Variants in HSP90AA1 observed in about 807,000 individuals in gnomAD.
HSP90AA1 encodes heat shock protein HSP 90-alpha.
A neutral mutation model predicts 73.3 loss-of-function variants in HSP90AA1; 18 were observed. That is an observed-to-expected ratio of 0.25 (90% CI 0.17 to 0.36). The LOEUF (loss-of-function observed/expected upper bound fraction) is 0.36. Among genes scored for constraint, HSP90AA1 ranks in the 10% least tolerant of loss-of-function variants. HSP90AA1 has a pLI of 1.00. For synonymous variants in HSP90AA1, 477 were observed against 296.9 expected (o/e 1.61, Z -6.24); for missense variants, 704 against 874.2 (o/e 0.81, Z 2.45).
chr14:102,113,467 G>A (rs548954862), intron 1 of HSP90AA1, among the ~76,000 whole-genome samples: 2 of 151,866 alleles, frequency 1.3e-5, no homozygotes, highest in South Asian at 4.2e-4. Context: ...TGTAACCTCC[G>A]CCTCCCAGGT....
intron 1 of HSP90AA1, among the ~76,000 whole-genome samples, chr14:102,117,040 G>A (rs537569258): frequency 9.2e-5 from 14 of 152,300 alleles, no homozygotes; most frequent in Admixed American, 3.3e-4. Context: ...GAGCCTGGGC[G>A]CTGTCCCAGC....
At position 102,096,946 on chromosome 14, in the gene HSP90AA1, A is replaced by G. The variant is rs2049432663; in HGVS notation, c.366+4929T>C. ...CTGAAAAGTTCATGGCAAAGCTTCT[A>G]GCCTTTCATGGAGTGGGAATGAAAC... On this transcript the variant is annotated intron_variant, in intron 2 of 11. Transcript: ENST00000334701. Among the ~76,000 whole-genome samples the G allele has an allele frequency of 2.0e-5, 3 of 152,310 alleles. 1 individual carries two copies. The South Asian group carries it at 6.2e-4, about 32-fold the overall frequency.
intron 2 of HSP90AA1, 26 bp downstream of exon 2, chr14:102,086,191 C>A: frequency 6.2e-7 from 1 of 1,614,008 alleles, no homozygotes; most frequent in Non-Finnish European, 8.5e-7. Flanking sequence ...AACCAAAATC[C>A]GATTCTGGGT....
At chr14:102,124,475 G>T (rs2049817717) in intron 1 of HSP90AA1, among the ~76,000 whole-genome samples, 1 of 152,136 alleles carries the variant, frequency 6.6e-6, no homozygotes, top group Admixed American at 6.6e-5. Flanking sequence ...TTATAGGTGT[G>T]AGCCACTGTG....
At chr14:102,090,542 C>T (rs143655920), upstream of HSP90AA1, among the ~76,000 whole-genome samples, 110 of 152,172 alleles carry the variant, frequency 7.2e-4, 1 homozygote, top group African/African-American at 2.4e-3. Flanking sequence ...CTCCGCCTCC[C>T]GGGTTCACGC....
chr14:102,081,768 C>T lies in HSP90AA1; in HGVS notation c.2143G>A (p.Glu715Lys). 1 of 1,599,304 alleles carries T rather than the reference C, an allele frequency of 6.3e-7. No homozygotes were observed. The highest frequency in any genetic ancestry group is 8.6e-7 in the Non-Finnish European group (1 of 1,166,512). Residue 715 changes from glutamate to lysine, a missense_variant, in exon 11 of 11, where the codon GAA (glutamate) becomes AAA (lysine). Glu to Lys is a moderately conservative substitution (Grantham distance 56). Transcript: ENST00000216281. ...ADDTSAAVTEEMPPLEGDDDT... is the reference protein window; with the variant it reads ...ADDTSAAVTEKMPPLEGDDDT... ...TCATCTCCTTCAAGGGGTGGCATTT[C>T]TTCAGTTACAGCAGCACTGGTATCA...
At position 102,086,095 on chromosome 14, in the gene HSP90AA1, C is replaced by G; in HGVS notation, c.192G>C (p.Leu64Phe). The G allele has an allele frequency of 6.2e-7, 1 of 1,614,016 alleles. No homozygotes were observed. Among genetic ancestry groups the G allele is most frequent in the Non-Finnish European group, 8.5e-7 (1 of 1,179,936 alleles). ...CAGAGTCTAATTTACTGGGATCTGT[C>G]AAGCTTTCATACCGGATTTTGTCCA... ...DALDKIRYES[L>F]TDPSKLDSGK... Residue 64 changes from leucine (L) to phenylalanine (F), a missense_variant, in exon 3 of 11, where the codon TTG (leucine) becomes TTC (phenylalanine). Transcript: ENST00000216281.
intron 2 of HSP90AA1, among the ~76,000 whole-genome samples, chr14:102,095,250 C>T (rs1416084925): frequency 6.6e-6 from 1 of 152,146 alleles, no homozygotes; most frequent in Non-Finnish European, 1.5e-5. Flanking sequence ...GCCAGAAAGC[C>T]TGGGATCTCA....
At chr14:102,115,318 CA>C (rs959964486) in intron 1 of HSP90AA1, among the ~76,000 whole-genome samples, 4 of 148,716 alleles carry the variant, frequency 2.7e-5, no homozygotes, top group African/African-American at 7.4e-5. Flanking sequence ...AACAAACAAA[CA>C]AAACAACTCT....
At chr14:102,090,408 C>T (rs1240420501), upstream of HSP90AA1, among the ~76,000 whole-genome samples, 1 of 152,096 alleles carries the variant, frequency 6.6e-6, no homozygotes, top group Non-Finnish European at 1.5e-5. Context: ...TGCTTCACCG[C>T]CTTTTCTGTC....
chr14:102,139,191 T>TC, intron 1 of HSP90AA1: 1 of 1,593,750 alleles, frequency 6.3e-7, no homozygotes, highest in Non-Finnish European at 8.6e-7. Context: ...CATTCTTCTC[T>TC]CCCCCTACCC....
In HSP90AA1 at chr14:102,083,998, A is replaced by C; in HGVS notation, c.1148-15T>G. 1.3e-6 allele frequency: 2 copies of C among 1,595,202 alleles called. No homozygotes were observed. The highest frequency in any genetic ancestry group is 1.7e-6 in the Non-Finnish European group (2 of 1,162,904). On this transcript the variant is annotated splice_polypyrimidine_tract_variant and intron_variant, in intron 6 of 10. Transcript: ENST00000216281. ...TCTAATGAAGTCTGAAAAAAATATA[A>C]ACCAAATGCACTGAGTCATTCCAAG...
At position 102,083,017 on chromosome 14, in the gene HSP90AA1, A is replaced by G. The variant is rs200798258; in HGVS notation, c.1755+17T>C. ...CCTTAGAAGTATCAATGATCAGGAA[A>G]TGCTGTATTCACATACCTTTTCAAC... On this transcript the variant is annotated intron_variant, in intron 9 of 10. Coordinates refer to ENST00000216281, the MANE Select transcript of HSP90AA1 (RefSeq NM_005348.4). The G allele has an allele frequency of 2.5e-6, 4 of 1,610,938 alleles. No individual in the cohort carries two copies. The highest frequency in any genetic ancestry group is 2.7e-5 in the African/African-American group (2 of 74,982).
chr14:102,131,555 G>A (rs1299359051), intron 1 of HSP90AA1, among the ~76,000 whole-genome samples: 2 of 152,136 alleles, frequency 1.3e-5, no homozygotes, highest in Middle Eastern at 3.2e-3. Flanking sequence ...ACTGTTCCCT[G>A]AACACACTAG....
At chr14:102,105,422 A>C (rs2049554487) in intron 1 of HSP90AA1, among the ~76,000 whole-genome samples, 1 of 152,100 alleles carries the variant, frequency 6.6e-6, no homozygotes, top group South Asian at 2.1e-4. Flanking sequence ...GGACGAGAAA[A>C]GGCTTCCCAA....
chr14:102,105,204 C>T (rs1220685350), intron 1 of HSP90AA1, among the ~76,000 whole-genome samples: 2 of 52,914 alleles, frequency 3.8e-5, no homozygotes, highest in Non-Finnish European at 6.1e-5. Context: ...GAGAGTCTGT[C>T]TCAAAAAAAA....
chr14:102,106,463 T>A (rs2049568638), intron 1 of HSP90AA1, among the ~76,000 whole-genome samples: 2 of 151,578 alleles, frequency 1.3e-5, no homozygotes, highest in Admixed American at 6.6e-5. Flanking sequence ...CAATCATGAA[T>A]AATCATGATG....
chr14:102,122,017 T>C (rs2049783725), intron 1 of HSP90AA1, among the ~76,000 whole-genome samples: 1 of 152,198 alleles, frequency 6.6e-6, no homozygotes, highest in Non-Finnish European at 1.5e-5. Flanking sequence ...TTAGAAAAGC[T>C]TTCCTCACTT....
chr14:102,086,792 C>T (rs2049250473), intron 1 of HSP90AA1, among the ~76,000 whole-genome samples, 194 bp downstream of exon 1: 1 of 151,732 alleles, frequency 6.6e-6, no homozygotes, highest in Non-Finnish European at 1.5e-5. Flanking sequence ...CGCGGCCGCC[C>T]GGCCCATTCC....
Sources: allele counts gnomAD v4.1 joint callset (sites outside exome capture counted in the v4.1 genomes callset), GRCh38; gene constraint gnomAD v4.1.1; transcripts MANE v1.5; gene names NCBI Gene and HGNC (gene_info 2026-07-23, HGNC 2026-07-21).